NELL1: variants seen among roughly 807,000 people sequenced by gnomAD.
The protein encoded by NELL1 is neural EGFL like 1.
NELL1 carries 76 observed loss-of-function variants against 107.4 expected under a neutral mutation model. The observed-to-expected ratio is 0.71, with a 90% confidence interval of 0.59 to 0.86. The LOEUF (loss-of-function observed/expected upper bound fraction) is 0.86, where lower values mean the gene tolerates loss of function less well. Ranked by LOEUF, NELL1 falls within the 40% of genes least tolerant of loss-of-function variation. The pLI is 0.00. For synonymous variants in NELL1, 353 were observed against 341.2 expected (o/e 1.03, Z -0.38); for missense variants, 1,024 against 1,005.5 (o/e 1.02, Z -0.25).
chr11:20,691,767 C>A (rs1262236953), intron 2 of NELL1, among the ~76,000 whole-genome samples: 3 of 151,700 alleles, frequency 2.0e-5, no homozygotes, highest in African/African-American at 7.3e-5. Context: ...TGTCTCTGAC[C>A]GGCTTTGGTA....
chr11:20,992,504 G>A (rs978046235), intron 12 of NELL1, among the ~76,000 whole-genome samples: 2 of 152,162 alleles, frequency 1.3e-5, no homozygotes, highest in Non-Finnish European at 2.9e-5. Flanking sequence ...AGTTAAGAAG[G>A]TGGGTTCTAG....
intron 2 of NELL1, among the ~76,000 whole-genome samples, chr11:20,764,140 C>T (rs1856481876): frequency 6.6e-6 from 1 of 152,198 alleles, no homozygotes; most frequent in African/African-American, 2.4e-5. Context: ...GATTCCAAGG[C>T]ACACACACTT....
chr11:21,491,372 G>A (rs1411409983), intron 15 of NELL1, among the ~76,000 whole-genome samples: 1 of 152,086 alleles, frequency 6.6e-6, no homozygotes, highest in Non-Finnish European at 1.5e-5. Flanking sequence ...ATTAATTTTT[G>A]TATAAGGTAT....
intron 16 of NELL1, among the ~76,000 whole-genome samples, chr11:21,549,863 A>C (rs978339875): frequency 6.6e-6 from 1 of 151,840 alleles, no homozygotes; most frequent in Non-Finnish European, 1.5e-5. Flanking sequence ...ATGTAAACAG[A>C]AATGAACTTC....
At chr11:21,182,675 A>T (rs1046783080) in intron 13 of NELL1, among the ~76,000 whole-genome samples, 1 of 151,656 alleles carries the variant, frequency 6.6e-6, no homozygotes, top group African/African-American at 2.4e-5. Context: ...AACAGGAGGA[A>T]GAGGTTGGAA....
chr11:20,767,068 G>A (rs1247061233), intron 2 of NELL1, among the ~76,000 whole-genome samples: 3 of 152,124 alleles, frequency 2.0e-5, no homozygotes, highest in Non-Finnish European at 4.4e-5. Flanking sequence ...GATCAATCAC[G>A]ATAGTCTGTT....
intron 16 of NELL1, among the ~76,000 whole-genome samples, chr11:21,538,524 C>T (rs766103651): frequency 1.3e-5 from 2 of 152,042 alleles, no homozygotes; most frequent in African/African-American, 2.4e-5. Context: ...TTGTCTGTCT[C>T]TCTTTAACTT....
intron 15 of NELL1, among the ~76,000 whole-genome samples, chr11:21,471,032 T>C (rs1310292214): frequency 6.6e-6 from 1 of 152,106 alleles, no homozygotes; most frequent in Non-Finnish European, 1.5e-5. Flanking sequence ...TTTGAAAGCA[T>C]TATACTCAAT....
chr11:21,157,161 ATG>A (rs58571261), intron 13 of NELL1, among the ~76,000 whole-genome samples: 23,838 of 149,430 alleles, frequency 0.16, 2,410 homozygotes, highest in Non-Finnish European at 0.23. Flanking sequence ...ATATATATAT[ATG>A]TGTGTGTGTG....
At chr11:21,129,093 T>G (rs1855555385) in intron 13 of NELL1, among the ~76,000 whole-genome samples, 1 of 152,232 alleles carries the variant, frequency 6.6e-6, no homozygotes, top group African/African-American at 2.4e-5. Context: ...CTCTATTCTT[T>G]GGTGGATTAT....
intron 13 of NELL1, among the ~76,000 whole-genome samples, chr11:21,155,488 G>A (rs939072042): frequency 6.6e-6 from 1 of 152,136 alleles, no homozygotes; most frequent in Non-Finnish European, 1.5e-5. Flanking sequence ...TGTAGCCAAG[G>A]AAACTGAGAA....
intron 4 of NELL1, among the ~76,000 whole-genome samples, chr11:20,872,931 A>G (rs1233882509): frequency 1.3e-5 from 2 of 152,118 alleles, no homozygotes; most frequent in Non-Finnish European, 2.9e-5. Context: ...GGATTCTTAC[A>G]TATTAATATA....
chr11:20,708,251 C>T (rs1246946867), intron 2 of NELL1, among the ~76,000 whole-genome samples: 1 of 152,254 alleles, frequency 6.6e-6, no homozygotes, highest in African/African-American at 2.4e-5. Flanking sequence ...GTCATGGCTT[C>T]CCTTGGCTAG....
intron 12 of NELL1, among the ~76,000 whole-genome samples, chr11:20,984,836 G>C (rs1003735806): frequency 6.6e-6 from 1 of 152,072 alleles, no homozygotes; most frequent in African/African-American, 2.4e-5. Context: ...CGCTTTGGTC[G>C]CTAAGACTAG....
chr11:21,469,470 G>A (rs1854120546), intron 15 of NELL1, among the ~76,000 whole-genome samples: 1 of 151,950 alleles, frequency 6.6e-6, no homozygotes, highest in African/African-American at 2.4e-5. Flanking sequence ...ATAATTTCAG[G>A]GGAAGTCAGA....
chr11:20,933,454 T>A (rs575210523), intron 9 of NELL1, among the ~76,000 whole-genome samples: 1 of 152,238 alleles, frequency 6.6e-6, no homozygotes, highest in Non-Finnish European at 1.5e-5. Flanking sequence ...TTTGACATGT[T>A]TGAGTTAGAG....
chr11:21,020,708 T>A (rs1412879677), intron 12 of NELL1, among the ~76,000 whole-genome samples: 4 of 152,026 alleles, frequency 2.6e-5, no homozygotes, highest in Admixed American at 6.6e-5. Context: ...ACATCACTCC[T>A]TCTTGCCCCT....
intron 17 of NELL1, among the ~76,000 whole-genome samples, chr11:21,568,477 C>G (rs549695175): frequency 6.6e-6 from 1 of 151,726 alleles, no homozygotes. Context: ...ATAAATTAAC[C>G]TTAGCTTATT....
At chr11:21,362,549 G>C (rs1004311505) in intron 14 of NELL1, among the ~76,000 whole-genome samples, 1 of 152,118 alleles carries the variant, frequency 6.6e-6, no homozygotes, top group African/African-American at 2.4e-5. Flanking sequence ...ATTGGAATTA[G>C]GTGTCGTCTT....
Sources: gnomAD v4.1 joint callset for allele counts (sites outside exome capture counted in the v4.1 genomes callset) on GRCh38, gnomAD v4.1.1 for gene constraint, MANE v1.5 for transcripts, NCBI Gene and HGNC (gene_info 2026-07-23, HGNC 2026-07-21) for gene names.